The following XKR4 variants were observed in gnomAD, a reference collection of about 807,000 sequenced individuals.
XKR4 encodes XK-related protein 4.
Under a neutral mutation model 53.9 loss-of-function variants are expected in XKR4, and 12 were observed. The ratio of observed to expected loss-of-function variants is 0.22; its 90% CI spans 0.14 to 0.36. XKR4 has a LOEUF of 0.36. Ranked by LOEUF, XKR4 falls within the 10% of genes least tolerant of loss-of-function variation. The pLI is 1.00. For synonymous variants in XKR4, 354 were observed against 362.4 expected (o/e 0.98, Z 0.26); for missense variants, 799 against 859.5 (o/e 0.93, Z 0.88).
intron 2 of XKR4, among the ~76,000 whole-genome samples, chr8:55,481,483 T>C (rs1290627125): frequency 1.3e-5 from 2 of 152,120 alleles, no homozygotes; most frequent in African/African-American, 2.4e-5. Context: ...GACATAGGCA[T>C]GGGCAAGGAC....
At chr8:55,288,412 T>C (rs959023837) in intron 1 of XKR4, among the ~76,000 whole-genome samples, 6 of 152,242 alleles carry the variant, frequency 3.9e-5, no homozygotes, top group African/African-American at 9.6e-5. Context: ...AAGAACTTTA[T>C]GCTTAAAATT....
intron 2 of XKR4, among the ~76,000 whole-genome samples, chr8:55,464,702 G>A (rs993608234): frequency 2.0e-5 from 3 of 152,120 alleles, no homozygotes; most frequent in Admixed American, 6.5e-5. Context: ...AATTGTCCCT[G>A]TTTGCAGATG....
chr8:55,250,079 GC>G (rs1275935216), intron 1 of XKR4, among the ~76,000 whole-genome samples: 1 of 152,084 alleles, frequency 6.6e-6, no homozygotes, highest in Non-Finnish European at 1.5e-5. Flanking sequence ...TGGAATTTAA[GC>G]TAATATACAT....
intron 1 of XKR4, among the ~76,000 whole-genome samples, chr8:55,269,914 A>C (rs945529068): frequency 6.6e-6 from 1 of 152,244 alleles, no homozygotes; most frequent in Non-Finnish European, 1.5e-5. Flanking sequence ...AAATAAGTTC[A>C]GAATAGATCA....
intron 2 of XKR4, among the ~76,000 whole-genome samples, chr8:55,386,303 C>T (rs555692984): frequency 6.6e-6 from 1 of 152,336 alleles, no homozygotes; most frequent in African/African-American, 2.4e-5. Flanking sequence ...GATATCCACA[C>T]GGGATGCAGC....
At chr8:55,229,697 C>T (rs1009802287) in intron 1 of XKR4, among the ~76,000 whole-genome samples, 4 of 152,190 alleles carry the variant, frequency 2.6e-5, no homozygotes, top group Non-Finnish European at 4.4e-5. Flanking sequence ...AGTCCTTGGT[C>T]CCTTGTGTGT....
intron 1 of XKR4, among the ~76,000 whole-genome samples, chr8:55,103,629 G>GT: frequency 6.6e-6 from 1 of 151,968 alleles, no homozygotes; most frequent in African/African-American, 2.4e-5. Flanking sequence ...GTTTCAGTGA[G>GT]TAGGAGAGGA....
At position 55,522,842 on chromosome 8, in the gene XKR4, T is replaced by C. The variant is rs180765226; in HGVS notation, c.1007-439T>C. ...CCATTTCCAGGTCTCACACCCATGC[T>C]GGGTTTGAGTAGCATTCCTATTAGC... On this transcript the variant is annotated intron_variant, in intron 2 of 2. Coordinates refer to ENST00000327381, the MANE Select transcript of XKR4 (RefSeq NM_052898.2). Among the ~76,000 whole-genome samples, 71 of 152,354 alleles carry C rather than the reference T, an allele frequency of 4.7e-4. 2 individuals are homozygous for C. Among genetic ancestry groups the C allele is most frequent in the Admixed American group, 2.0e-3 (30 of 15,308 alleles).
chr8:55,263,038 T>C (rs1336129297), intron 1 of XKR4, among the ~76,000 whole-genome samples: 1 of 152,208 alleles, frequency 6.6e-6, no homozygotes, highest in African/African-American at 2.4e-5. Context: ...CAGCTTTTTC[T>C]CTGTCCCTCT....
chr8:55,234,034 T>A (rs1818083625), intron 1 of XKR4, among the ~76,000 whole-genome samples: 1 of 152,236 alleles, frequency 6.6e-6, no homozygotes, highest in Non-Finnish European at 1.5e-5. Flanking sequence ...ATCGATTCCC[T>A]GAAGTCCGAA....
chr8:55,167,193 A>T (rs1263362345), intron 1 of XKR4, among the ~76,000 whole-genome samples: 1 of 152,220 alleles, frequency 6.6e-6, no homozygotes, highest in Non-Finnish European at 1.5e-5. Flanking sequence ...CTTAATGTGA[A>T]GGGGAAGACT....
At chr8:55,501,660 C>G (rs1429123694) in intron 2 of XKR4, among the ~76,000 whole-genome samples, 1 of 148,524 alleles carries the variant, frequency 6.7e-6, no homozygotes, top group Admixed American at 6.9e-5. Context: ...GAATAATTTT[C>G]TATTGTGTAT....
At chr8:55,252,265 T>C (rs1227728591) in intron 1 of XKR4, among the ~76,000 whole-genome samples, 1 of 152,256 alleles carries the variant, frequency 6.6e-6, no homozygotes. Flanking sequence ...TCATTTCAGT[T>C]AGATTCTTGC....
chr8:55,127,765 G>C (rs1462717902), intron 1 of XKR4, among the ~76,000 whole-genome samples: 1 of 128,940 alleles, frequency 7.8e-6, no homozygotes, highest in Admixed American at 9.8e-5. Context: ...AGTGTGTGAT[G>C]TTCCCCTTCC....
chr8:55,502,758 T>C (rs1326119450), intron 2 of XKR4, among the ~76,000 whole-genome samples: 1 of 152,234 alleles, frequency 6.6e-6, no homozygotes, highest in Non-Finnish European at 1.5e-5. Flanking sequence ...TTGTTGCCTA[T>C]ACTTTTGGTG....
intron 1 of XKR4, among the ~76,000 whole-genome samples, chr8:55,342,328 C>A (rs1240478064): frequency 1.3e-5 from 2 of 152,114 alleles, no homozygotes; most frequent in Non-Finnish European, 2.9e-5. Flanking sequence ...TCCTAACAAC[C>A]ATCATCACTT....
chr8:55,391,211 C>A (rs1804438977), intron 2 of XKR4, among the ~76,000 whole-genome samples: 1 of 152,190 alleles, frequency 6.6e-6, no homozygotes, highest in Non-Finnish European at 1.5e-5. Flanking sequence ...GGAGTCATAC[C>A]TCAGAAAGTT....
At chr8:55,162,750 A>G (rs1398087996) in intron 1 of XKR4, among the ~76,000 whole-genome samples, 1 of 152,184 alleles carries the variant, frequency 6.6e-6, no homozygotes, top group East Asian at 1.9e-4. Flanking sequence ...GTGAAATTGA[A>G]CTACCCTTTC....
intron 2 of XKR4, among the ~76,000 whole-genome samples, chr8:55,500,903 A>G (rs1352297358): frequency 6.6e-6 from 1 of 152,230 alleles, no homozygotes; most frequent in Non-Finnish European, 1.5e-5. Flanking sequence ...TTGCCATTAT[A>G]CACACATGCC....
Sources: gnomAD v4.1 joint callset for allele counts (sites outside exome capture counted in the v4.1 genomes callset) on GRCh38, gnomAD v4.1.1 for gene constraint, MANE v1.5 for transcripts, NCBI Gene and HGNC (gene_info 2026-07-23, HGNC 2026-07-21) for gene names.